The following LRBA variants were observed in gnomAD, a reference collection of about 807,000 sequenced individuals.
LRBA encodes the protein LPS responsive beige-like anchor protein, also known as lipopolysaccharide-responsive and beige-like anchor protein.
Under a neutral mutation model 330.0 loss-of-function variants are expected in LRBA, and 176 were observed. That is an observed-to-expected ratio of 0.53 (90% CI 0.47 to 0.60). The LOEUF is 0.60. LRBA is among the 20% of genes least tolerant of loss of function. The probability of loss-of-function intolerance (pLI) is 0.00; values close to 1 mark genes in which losing one functional copy is unlikely to be tolerated. For synonymous variants in LRBA, 1,230 were observed against 1,193.0 expected, an observed-to-expected ratio of 1.03 and a Z score of -0.64; for missense variants, 3,259 against 3,444.8, an observed-to-expected ratio of 0.95 and a Z score of 1.35.
chr4:150,371,409 T>C (rs1190138100), intron 47 of LRBA, among the ~76,000 whole-genome samples: 1 of 152,004 alleles, frequency 6.6e-6, no homozygotes, highest in Non-Finnish European at 1.5e-5. Flanking sequence ...GCCAGGCTGG[T>C]CTCAAACTCC....
At chr4:150,843,413 C>T (rs1170618766) in intron 28 of LRBA, among the ~76,000 whole-genome samples, 3 of 151,990 alleles carry the variant, frequency 2.0e-5, no homozygotes, top group South Asian at 2.1e-4. Context: ...CTGATGAGTG[C>T]AATTATAAAT....
chr4:150,621,392 T>C (rs1230369340), intron 37 of LRBA, among the ~76,000 whole-genome samples: 1 of 152,206 alleles, frequency 6.6e-6, no homozygotes, highest in African/African-American at 2.4e-5. Flanking sequence ...CATACATACT[T>C]GTTAAAAAGC....
At chr4:150,339,203 A>G (rs1450397863) in intron 48 of LRBA, among the ~76,000 whole-genome samples, 1 of 152,174 alleles carries the variant, frequency 6.6e-6, no homozygotes, top group Non-Finnish European at 1.5e-5. Flanking sequence ...CCCATAGCTC[A>G]GTGGATTAAA....
intron 40 of LRBA, among the ~76,000 whole-genome samples, chr4:150,562,577 T>C (rs1450757159): frequency 1.3e-5 from 2 of 152,230 alleles, no homozygotes; most frequent in African/African-American, 2.4e-5. Context: ...ATGCAAATTA[T>C]AGGAAGAAGA....
At position 150,852,507 on chromosome 4, in the gene LRBA, G is replaced by T. The variant is rs1474800011; in HGVS notation, c.3203C>A (p.Thr1068Asn). 1.2e-6 allele frequency: 2 copies of T among 1,613,598 alleles called. No homozygotes were observed. The highest frequency in any genetic ancestry group is 1.7e-6 in the Non-Finnish European group (2 of 1,179,936). The change falls in exon 23 of 57, where the codon ACT (threonine) becomes AAT (asparagine). Residue 1068 changes from threonine to asparagine, a missense_variant. Thr to Asn is a moderately conservative substitution (Grantham distance 65). Coordinates refer to ENST00000651943, the MANE Select transcript of LRBA (RefSeq NM_001364905.1). ...ACTGACAGTCATTGAATCTTTGCCA[G>T]TTGTTATAAAAGAATTAGAGGAAAT... ...VAISSNSFIT[T>N]GKDSMTVSEV... is the part of the protein sequence containing the mutation.
chr4:150,316,519 A>T (rs1731739513), intron 50 of LRBA, among the ~76,000 whole-genome samples: 1 of 152,132 alleles, frequency 6.6e-6, no homozygotes, highest in Non-Finnish European at 1.5e-5. Flanking sequence ...TTTCAGCTTC[A>T]TAGTTCTGAC....
intron 48 of LRBA, among the ~76,000 whole-genome samples, chr4:150,332,448 C>T (rs547292199): frequency 2.6e-5 from 4 of 152,236 alleles, no homozygotes; most frequent in Admixed American, 6.5e-5. Flanking sequence ...AATTTTCCAA[C>T]TTATTGATCA....
At chr4:150,470,840 T>TACACACACACACACACACAC (rs146604033) in intron 43 of LRBA, among the ~76,000 whole-genome samples, 1 of 140,554 alleles carries the variant, frequency 7.1e-6, no homozygotes, top group Admixed American at 7.4e-5. Flanking sequence ...CCCTCATTAC[T>TACACACACACACACACACAC]ACACACACAC....
At chr4:150,887,829 T>G (rs1729111146) in intron 17 of LRBA, among the ~76,000 whole-genome samples, 1 of 146,664 alleles carries the variant, frequency 6.8e-6, no homozygotes. Context: ...AATTTGGTAG[T>G]AATCACAAAG....
intron 37 of LRBA, among the ~76,000 whole-genome samples, chr4:150,677,780 G>A (rs982136675): frequency 4.0e-5 from 6 of 149,818 alleles, no homozygotes; most frequent in Non-Finnish European, 5.9e-5. Context: ...TCCAGCCTAG[G>A]TAACACGACA....
chr4:150,342,267 C>T (rs1735687272), intron 48 of LRBA, among the ~76,000 whole-genome samples: 1 of 151,486 alleles, frequency 6.6e-6, no homozygotes, highest in African/African-American at 2.4e-5. Flanking sequence ...AGAAAATGAC[C>T]AACTTTTATT....
At chr4:150,661,214 T>C (rs1456188438) in intron 37 of LRBA, among the ~76,000 whole-genome samples, 4 of 151,774 alleles carry the variant, frequency 2.6e-5, no homozygotes, top group Admixed American at 2.6e-4. Flanking sequence ...CTCACACCTG[T>C]AATCCCAGCA....
intron 2 of LRBA, among the ~76,000 whole-genome samples, chr4:151,007,856 CAAAAA>C (rs57271520): frequency 1.7e-5 from 2 of 114,406 alleles, no homozygotes; most frequent in Admixed American, 8.9e-5. Context: ...GACTCCATCT[CAAAAA>C]AAAAAAAAAA....
intron 56 of LRBA, 115 bp from the exon 57 acceptor site, chr4:150,265,927 C>A: frequency 1.5e-6 from 1 of 685,630 alleles, no homozygotes; most frequent in African/African-American, 1.8e-5. Flanking sequence ...GTGAAGGCTC[C>A]AATTTGTGGG....
intron 46 of LRBA, among the ~76,000 whole-genome samples, chr4:150,418,480 A>G (rs953120286): frequency 2.0e-5 from 3 of 152,170 alleles, no homozygotes; most frequent in Admixed American, 6.5e-5. Context: ...CAGCTACATA[A>G]TATCTATCAT....
chr4:150,306,072 C>G (rs1730315678), intron 52 of LRBA, among the ~76,000 whole-genome samples: 1 of 152,144 alleles, frequency 6.6e-6, no homozygotes, highest in African/African-American at 2.4e-5. Flanking sequence ...TATTTGACAG[C>G]TGTGCTACAA....
At chr4:150,422,683 G>A in intron 46 of LRBA, 1 of 693,866 alleles carries the variant, frequency 1.4e-6, no homozygotes, top group South Asian at 1.5e-5. Flanking sequence ...TCTAACAACT[G>A]AGACTGGCAC....
At chr4:150,500,509 C>A (rs752868286) in intron 40 of LRBA, among the ~76,000 whole-genome samples, 4 of 152,004 alleles carry the variant, frequency 2.6e-5, no homozygotes, top group African/African-American at 7.3e-5. Context: ...ACCTGGGAGG[C>A]GGAGGTTGCA....
chr4:150,413,397 G>A (rs1264794706), intron 47 of LRBA, among the ~76,000 whole-genome samples: 1 of 151,870 alleles, frequency 6.6e-6, no homozygotes, highest in Non-Finnish European at 1.5e-5. Context: ...CCATTAACTA[G>A]TAAAGAGATT....
Sources: gnomAD v4.1 joint callset for allele counts (sites outside exome capture counted in the v4.1 genomes callset) on GRCh38, gnomAD v4.1.1 for gene constraint, MANE v1.5 for transcripts, NCBI Gene and HGNC (gene_info 2026-07-23, HGNC 2026-07-21) for gene names.